Variants in BTRC observed in about 807,000 individuals in gnomAD.
The protein encoded by BTRC is F-box/WD repeat-containing protein 1A.
In BTRC, 42 loss-of-function variants were observed where a neutral mutation model predicts 85.5. That is an observed-to-expected ratio of 0.49 (90% CI 0.38 to 0.64). BTRC has a LOEUF of 0.64. Ranked by LOEUF, BTRC falls within the 30% of genes least tolerant of loss-of-function variation. The probability of loss-of-function intolerance (pLI) is 0.00; values close to 1 mark genes in which losing one functional copy is unlikely to be tolerated. For missense variants in BTRC, 594 were observed against 743.5 expected, an observed-to-expected ratio of 0.80 and a Z score of 2.34; for synonymous variants, 255 against 263.3, an observed-to-expected ratio of 0.97 and a Z score of 0.30.
At chr10:101,398,307 T>C (rs1388253025) in intron 1 of BTRC, among the ~76,000 whole-genome samples, 1 of 152,174 alleles carries the variant, frequency 6.6e-6, no homozygotes, top group Non-Finnish European at 1.5e-5. Flanking sequence ...TTTTTTCTTT[T>C]TTTCTTTTTT....
rs1482374733 is a variant in BTRC at position 101,366,788 on chromosome 10, A to ATATATATATATT, written c.48+12561_48+12562insATATATATATTT. 7.3e-5 allele frequency among the ~76,000 whole-genome samples: 5 copies of ATATATATATATT among 68,860 alleles called. No individual in the cohort carries two copies. The East Asian group carries it at 1.8e-3, about 24-fold the overall frequency. The allele number at this position is 68,860 out of a possible 152,430, so 45.2% of individuals were successfully genotyped here. ...TAGTTATATATATATATATATATAT[A>ATATATATATATT]TTTTTACATTTATATATATATTTAT... On this transcript the variant is annotated intron_variant, in intron 1 of 14. Coordinates refer to ENST00000370187, the MANE Select transcript of BTRC (RefSeq NM_033637.4).
chr10:101,365,852 A>G (rs1285396716), intron 1 of BTRC, among the ~76,000 whole-genome samples: 1 of 152,192 alleles, frequency 6.6e-6, no homozygotes, highest in Non-Finnish European at 1.5e-5. Flanking sequence ...AAAATTTAGT[A>G]TATTGAGTAT....
chr10:101,425,240 A>G (rs1564764180), intron 1 of BTRC, among the ~76,000 whole-genome samples: 1 of 152,062 alleles, frequency 6.6e-6, no homozygotes. Flanking sequence ...TTACTATCGC[A>G]TTGCAGCATT....
intron 2 of BTRC, among the ~76,000 whole-genome samples, chr10:101,435,957 G>A (rs1944517688): frequency 6.6e-6 from 1 of 152,050 alleles, no homozygotes; most frequent in Non-Finnish European, 1.5e-5. Context: ...AGAAGCTATG[G>A]AGTCATTGCT....
intron 6 of BTRC, among the ~76,000 whole-genome samples, chr10:101,526,864 C>G (rs780032919): frequency 9.2e-5 from 14 of 152,152 alleles, no homozygotes; most frequent in Admixed American, 2.6e-4. Flanking sequence ...CTTCTTAAGA[C>G]TTCTGTTTTT....
chr10:101,508,936 A>AAAAAAAAAAAAAAAAAAAAAAAAAAAAT, intron 4 of BTRC, among the ~76,000 whole-genome samples: 1 of 141,548 alleles, frequency 7.1e-6, no homozygotes, highest in Non-Finnish European at 1.5e-5. Context: ...AAAAAAAAAA[A>AAAAAAAAAAAAAAAAAAAAAAAAAAAAT]CTAAAAGTAG....
chr10:101,462,107 A>C, intron 3 of BTRC, 49 bp downstream of exon 3: 3 of 1,267,328 alleles, frequency 2.4e-6, no homozygotes, highest in Non-Finnish European at 3.2e-6. Context: ...ACAGCAAAAC[A>C]AAAGACAGGA....
At chr10:101,412,081 G>A (rs1368983539) in intron 1 of BTRC, among the ~76,000 whole-genome samples, 1 of 152,174 alleles carries the variant, frequency 6.6e-6, no homozygotes, top group South Asian at 2.1e-4. Flanking sequence ...TGTGCCCCAG[G>A]TCTGTGTAGT....
At chr10:101,545,393 C>T (rs1170430213) in intron 13 of BTRC, among the ~76,000 whole-genome samples, 2 of 152,050 alleles carry the variant, frequency 1.3e-5, no homozygotes, top group East Asian at 1.9e-4. Flanking sequence ...AAATGGTTAG[C>T]GAAAGATATA....
At chr10:101,501,630 GA>G (rs1407236795) in intron 4 of BTRC, among the ~76,000 whole-genome samples, 3 of 152,096 alleles carry the variant, frequency 2.0e-5, no homozygotes, top group African/African-American at 7.2e-5. Flanking sequence ...AATTCCATGG[GA>G]AAGAGTTATT....
In BTRC at chr10:101,444,098, C is replaced by T. The variant is rs1054236845; in HGVS notation, c.156+13646C>T. On this transcript the variant is annotated intron_variant, in intron 2 of 14. Coordinates refer to ENST00000370187, the MANE Select transcript of BTRC (RefSeq NM_033637.4). Reference sequence around the variant, plus strand: ...GTAGCAGTCCTAAGGAAATGGTATACTTATGTTCATATCAGATATATCTCA... The same window carrying T: ...GTAGCAGTCCTAAGGAAATGGTATATTTATGTTCATATCAGATATATCTCA... 3.9e-5 allele frequency among the ~76,000 whole-genome samples: 6 copies of T among 152,146 alleles called. No homozygotes were observed. In the South Asian group the frequency reaches 1.2e-3, roughly 31 times the overall value.
intron 1 of BTRC, among the ~76,000 whole-genome samples, chr10:101,367,033 T>A (rs1554862393): frequency 7.1e-5 from 4 of 56,090 alleles, no homozygotes; most frequent in South Asian, 3.9e-4. Context: ...TTTATATATT[T>A]ATATATATAA....
chr10:101,461,929 G>A, intron 2 of BTRC, 52 bp from the exon 3 acceptor site: 1 of 1,321,182 alleles, frequency 7.6e-7, no homozygotes. Context: ...TACTCCCAAA[G>A]GATAAGATTG....
At chr10:101,378,283 G>A (rs887509862) in intron 1 of BTRC, among the ~76,000 whole-genome samples, 4 of 152,062 alleles carry the variant, frequency 2.6e-5, no homozygotes, top group Admixed American at 6.6e-5. Context: ...TTGGTTATTA[G>A]CTTGAGGTTA....
In BTRC at chr10:101,526,202, G is replaced by A. The variant is rs2062188768; in HGVS notation, c.743+3G>A. On this transcript the variant is annotated splice_donor_region_variant and intron_variant, in intron 6 of 14. Transcript: ENST00000370187. ...GGCCTGGCAGAACGAAGAGGATGGT[G>A]AGCCTTTAACTTTTCTTACTCTTAT... 10 of 1,613,306 alleles carry A rather than the reference G, an allele frequency of 6.2e-6. No individual in the cohort carries two copies. Among genetic ancestry groups the A allele is most frequent in the Non-Finnish European group, 8.5e-6 (10 of 1,179,448 alleles).
intron 4 of BTRC, among the ~76,000 whole-genome samples, chr10:101,520,454 T>A (rs1044358009): frequency 1.3e-5 from 2 of 152,206 alleles, no homozygotes; most frequent in African/African-American, 4.8e-5. Context: ...AAGGACAGTG[T>A]TTGGCACATT....
At chr10:101,412,109 A>T (rs1943796460) in intron 1 of BTRC, among the ~76,000 whole-genome samples, 1 of 152,148 alleles carries the variant, frequency 6.6e-6, no homozygotes. Context: ...TGCTGAGCTT[A>T]TAGTTCTGTT....
Position 101,555,712 on chromosome 10 carries a change from A to G in BTRC, c.*2589A>G, listed in dbSNP as rs1159359200. 1 of 152,650 alleles carries G rather than the reference A, an allele frequency of 6.6e-6. No individual in the cohort carries two copies. Among genetic ancestry groups the G allele is most frequent in the Non-Finnish European group, 1.5e-5 (1 of 68,048 alleles). The allele number at this position is 152,650 out of a possible 1,614,324, so 9.5% of individuals were successfully genotyped here. Reference sequence around the variant, plus strand: ...AATAAATGTAAAGTTTGACCTTTTTAAAACGAAAAGAGAGACAAAGTCTCA... The same window carrying G: ...AATAAATGTAAAGTTTGACCTTTTTGAAACGAAAAGAGAGACAAAGTCTCA... On this transcript the variant is annotated 3_prime_UTR_variant, in exon 15 of 15. Transcript: ENST00000370187.
intron 1 of BTRC, among the ~76,000 whole-genome samples, chr10:101,415,861 A>G (rs1262113463): frequency 6.6e-6 from 1 of 151,942 alleles, no homozygotes; most frequent in African/African-American, 2.4e-5. Context: ...TTTATACTGT[A>G]TTTTTACTGT....
Sources: gnomAD v4.1 joint callset for allele counts (sites outside exome capture counted in the v4.1 genomes callset) on GRCh38, gnomAD v4.1.1 for gene constraint, MANE v1.5 for transcripts, NCBI Gene and HGNC (gene_info 2026-07-23, HGNC 2026-07-21) for gene names.